Variants in CNTN3 observed in about 807,000 individuals in gnomAD.
The protein encoded by CNTN3 is contactin 3.
A neutral mutation model predicts 119.1 loss-of-function variants in CNTN3; 60 were observed. The ratio of observed to expected loss-of-function variants is 0.50; its 90% CI spans 0.41 to 0.62. The LOEUF (loss-of-function observed/expected upper bound fraction) is 0.62. CNTN3 is among the 20% of genes least tolerant of loss of function. The pLI, the probability that CNTN3 is intolerant of heterozygous loss-of-function variation, is 0.00. For synonymous variants in CNTN3, 450 were observed against 438.7 expected (o/e 1.03, Z -0.32); for missense variants, 1,101 against 1,242.4 (o/e 0.89, Z 1.71).
At position 74,285,465 on chromosome 3, in the gene CNTN3, C is replaced by G. The variant is rs542742446; in HGVS notation, c.2544G>C (p.Lys848Asn). 6.2e-7 allele frequency: 1 copy of G among 1,612,212 alleles called. No homozygotes were observed. Among genetic ancestry groups the G allele is most frequent in the Non-Finnish European group, 8.5e-7 (1 of 1,179,110 alleles). ...CTTTCATCTTACTGGATGATTCCTC[C>G]TTTCCACCCCCATTCCAGTACCGCA... ...YEVRYWNGGGKEESSSKMKVA... is the reference protein window; with the variant it reads ...YEVRYWNGGGNEESSSKMKVA... Residue 848 changes from lysine to asparagine, a missense_variant, in exon 20 of 23, where the codon AAG (lysine) becomes AAC (asparagine). Transcript: ENST00000263665.
At chr3:74,301,614 G>C (rs1405977738) in intron 15 of CNTN3, 33 bp downstream of exon 15, 1 of 1,613,004 alleles carries the variant, frequency 6.2e-7, no homozygotes, top group Non-Finnish European at 8.5e-7. Context: ...CCATTTATAT[G>C]TGTGCAGATG....
At chr3:74,500,646 G>A (rs1703151428) in intron 2 of CNTN3, among the ~76,000 whole-genome samples, 1 of 151,788 alleles carries the variant, frequency 6.6e-6, no homozygotes, top group South Asian at 2.1e-4. Context: ...CAAAGAAAAC[G>A]AGATCAAGAA....
chr3:74,301,593 T>G, intron 15 of CNTN3, 46 bp from the exon 16 acceptor site: 1 of 1,612,144 alleles, frequency 6.2e-7, no homozygotes, highest in Non-Finnish European at 8.5e-7. Flanking sequence ...GCTTTAGCAT[T>G]GACTTGAAAT....
intron 1 of CNTN3, among the ~76,000 whole-genome samples, chr3:74,553,493 T>A (rs1704023868): frequency 6.6e-6 from 1 of 152,192 alleles, no homozygotes; most frequent in Non-Finnish European, 1.5e-5. Context: ...TAGTTCTAGA[T>A]CCTTGAGGAA....
At chr3:74,452,255 G>A (rs1214080879) in intron 4 of CNTN3, among the ~76,000 whole-genome samples, 1 of 140,160 alleles carries the variant, frequency 7.1e-6, no homozygotes, top group African/African-American at 2.7e-5. Context: ...GGATTCCTAG[G>A]TATTTTATTC....
chr3:74,474,170 G>T (rs1702613724), intron 4 of CNTN3, among the ~76,000 whole-genome samples: 1 of 152,082 alleles, frequency 6.6e-6, no homozygotes, highest in South Asian at 2.1e-4. Context: ...GTGAGCAGTG[G>T]CCAGATTCTG....
Position 74,264,250 on chromosome 3 carries a change from C to T in CNTN3, c.*151G>A, listed in dbSNP as rs1701626267. On this transcript the variant is annotated 3_prime_UTR_variant, in exon 23 of 23. Coordinates refer to ENST00000263665, the MANE Select transcript of CNTN3 (RefSeq NM_020872.3). ...TTTCAGATTCCCCTAAAAGGATTTA[C>T]TGTTTTTTTAATTATATTCATATTT... The T allele has an allele frequency of 2.3e-5, 10 of 429,800 alleles. 1 individual carries two copies. In the South Asian group the frequency reaches 7.5e-4, roughly 32 times the overall value. The allele number at this position is 429,800 out of a possible 1,614,324, so 26.6% of individuals were successfully genotyped here.
At chr3:74,444,578 A>T (rs1444867037) in intron 4 of CNTN3, among the ~76,000 whole-genome samples, 1 of 151,958 alleles carries the variant, frequency 6.6e-6, no homozygotes, top group East Asian at 1.9e-4. Context: ...AATGTCCAAC[A>T]ATGCTAACTT....
intron 1 of CNTN3, among the ~76,000 whole-genome samples, chr3:74,584,570 C>T (rs1704564007): frequency 6.6e-6 from 1 of 152,048 alleles, no homozygotes; most frequent in African/African-American, 2.4e-5. Flanking sequence ...ATGCCAGCAC[C>T]ATGCTTCTTG....
intron 1 of CNTN3, among the ~76,000 whole-genome samples, chr3:74,606,675 A>G (rs1357002546): frequency 6.6e-6 from 1 of 152,188 alleles, no homozygotes; most frequent in African/African-American, 2.4e-5. Flanking sequence ...GCAACAGACA[A>G]TTATGGCACT....
At chr3:74,523,080 T>G (rs1270265699) in intron 1 of CNTN3, among the ~76,000 whole-genome samples, 2 of 151,826 alleles carry the variant, frequency 1.3e-5, no homozygotes, top group African/African-American at 4.8e-5. Context: ...TCAGGTATCT[T>G]GCCTTCCTTT....
At chr3:74,304,344 G>T (rs1028707299) in intron 13 of CNTN3, among the ~76,000 whole-genome samples, 6 of 152,050 alleles carry the variant, frequency 3.9e-5, no homozygotes, top group Admixed American at 1.3e-4. Context: ...GTATCCCCAG[G>T]ACAAAAACCT....
intron 1 of CNTN3, among the ~76,000 whole-genome samples, chr3:74,595,292 G>C (rs1290126834): frequency 2.6e-5 from 4 of 151,366 alleles, no homozygotes; most frequent in Non-Finnish European, 5.9e-5. Flanking sequence ...AAGCTCTTTA[G>C]TTTAATTAGA....
At chr3:74,478,822 T>C (rs919729635) in intron 4 of CNTN3, among the ~76,000 whole-genome samples, 2 of 152,064 alleles carry the variant, frequency 1.3e-5, no homozygotes, top group African/African-American at 4.8e-5. Context: ...ACAACCTGGA[T>C]AAAACAGTTC....
At chr3:74,456,251 A>AT (rs1702267313) in intron 4 of CNTN3, among the ~76,000 whole-genome samples, 2 of 146,682 alleles carry the variant, frequency 1.4e-5, no homozygotes, top group Non-Finnish European at 1.5e-5. Context: ...TGAAAAAAAA[A>AT]GAAAAAAGCA....
intron 4 of CNTN3, among the ~76,000 whole-genome samples, chr3:74,437,137 T>G (rs1376295559): frequency 1.3e-5 from 2 of 152,134 alleles, no homozygotes; most frequent in African/African-American, 2.4e-5. Context: ...AAAATGCTCA[T>G]TTGCTAAATC....
chr3:74,427,231 T>C (rs1470976025), intron 4 of CNTN3, among the ~76,000 whole-genome samples: 1 of 152,116 alleles, frequency 6.6e-6, no homozygotes, highest in Non-Finnish European at 1.5e-5. Context: ...TAATGGCACA[T>C]TGTAAGTGGC....
At chr3:74,383,506 G>C (rs1027265340) in intron 5 of CNTN3, among the ~76,000 whole-genome samples, 4 of 152,026 alleles carry the variant, frequency 2.6e-5, no homozygotes, top group African/African-American at 7.2e-5. Flanking sequence ...TGTTTTTTGA[G>C]ACAGGGTCTC....
At chr3:74,569,889 G>C (rs773026837) in intron 1 of CNTN3, among the ~76,000 whole-genome samples, 6 of 152,110 alleles carry the variant, frequency 3.9e-5, no homozygotes, top group Non-Finnish European at 8.8e-5. Context: ...TAGGACTAGG[G>C]TCCTCATTAT....
Sources: gnomAD v4.1 joint callset for allele counts (sites outside exome capture counted in the v4.1 genomes callset) on GRCh38, gnomAD v4.1.1 for gene constraint, MANE v1.5 for transcripts, NCBI Gene and HGNC (gene_info 2026-07-23, HGNC 2026-07-21) for gene names.